The following ANXA8 variants were observed in gnomAD, a reference collection of about 807,000 sequenced individuals.
ANXA8 encodes VAC-beta.
Under a neutral mutation model 26.8 loss-of-function variants are expected in ANXA8, and 9 were observed. The observed-to-expected ratio is 0.34, with a 90% CI of 0.20 to 0.59. The LOEUF is 0.59. Among genes scored for constraint, ANXA8 ranks in the 20% least tolerant of loss-of-function variants. The pLI is 0.84. For synonymous variants in ANXA8, 39 were observed against 94.8 expected, an observed-to-expected ratio of 0.41 and a Z score of 3.42; for missense variants, 83 against 238.5, an observed-to-expected ratio of 0.35 and a Z score of 4.29.
chr10:47,952,267 T>C, the ANXA8 span, among the ~76,000 whole-genome samples: 1 of 151,668 alleles, frequency 6.6e-6, no homozygotes, highest in Non-Finnish European at 1.5e-5. Flanking sequence ...CCAAAAGTCC[T>C]AGGTGGTGCA....
At chr10:47,525,698 T>A in the ANXA8 span, among the ~76,000 whole-genome samples, 6 of 136,314 alleles carry the variant, frequency 4.4e-5, no homozygotes, top group African/African-American at 1.6e-4. Context: ...AGTGAAATTG[T>A]TTCTCTAATT....
the ANXA8 span, among the ~76,000 whole-genome samples, chr10:47,514,358 ACT>A: frequency 4.0e-5 from 6 of 148,972 alleles, no homozygotes. Context: ...AAGTGAAATA[ACT>A]CAGCATGGAA....
the ANXA8 span, among the ~76,000 whole-genome samples, chr10:47,552,274 C>T: frequency 3.3e-5 from 5 of 151,564 alleles, no homozygotes; most frequent in Non-Finnish European, 7.4e-5. Context: ...AGCCATTAGC[C>T]ACATGTGGTT....
the ANXA8 span, chr10:47,710,106 A>G: frequency 0.01 from 4,633 of 453,668 alleles, 350 homozygotes; most frequent in African/African-American, 0.091. Flanking sequence ...AAACAAAACT[A>G]TATTTTATAT....
At chr10:47,689,220 C>T in the ANXA8 span, among the ~76,000 whole-genome samples, 2 of 151,540 alleles carry the variant, frequency 1.3e-5, no homozygotes. Flanking sequence ...CACTCTGTTG[C>T]CCAGGCTAGA....
chr10:47,562,800 A>T, the ANXA8 span, among the ~76,000 whole-genome samples: 1 of 149,200 alleles, frequency 6.7e-6, no homozygotes, highest in African/African-American at 2.5e-5. Context: ...TCAAATTGAA[A>T]GAGGTTGGCA....
chr10:47,658,843 ATTTATTAT>A, the ANXA8 span, among the ~76,000 whole-genome samples: 5 of 135,682 alleles, frequency 3.7e-5, no homozygotes, highest in Admixed American at 7.1e-5. Context: ...GTTTTTATTT[ATTTATTAT>A]TTATTTATTT....
chr10:47,595,004 G>C, the ANXA8 span, among the ~76,000 whole-genome samples: 1 of 149,130 alleles, frequency 6.7e-6, no homozygotes. Context: ...ACAAATCTCA[G>C]ACACAGCTAG....
the ANXA8 span, among the ~76,000 whole-genome samples, chr10:47,702,059 T>C: frequency 4.0e-5 from 6 of 149,656 alleles, no homozygotes; most frequent in Non-Finnish European, 8.9e-5. Context: ...AATGAGTACA[T>C]AGATTGTAGA....
chr10:47,702,103 GAAATTATAAACAA>G, the ANXA8 span, among the ~76,000 whole-genome samples: 1 of 149,842 alleles, frequency 6.7e-6, no homozygotes, highest in African/African-American at 2.5e-5. Flanking sequence ...GTTGGAGAAA[GAAATTATAAACAA>G]GGGAAGGTTA....
At chr10:47,536,863 G>A in the ANXA8 span, among the ~76,000 whole-genome samples, 1 of 113,696 alleles carries the variant, frequency 8.8e-6, no homozygotes, top group Non-Finnish European at 1.7e-5. Context: ...ACAATTATTA[G>A]ATAAAGAGGA....
chr10:47,574,109 CT>C, the ANXA8 span, among the ~76,000 whole-genome samples: 16 of 25,418 alleles, frequency 6.3e-4, no homozygotes, highest in East Asian at 3.4e-3. Flanking sequence ...AGTTTAACCT[CT>C]TTTTTTTTTT....
At chr10:47,644,445 G>A in the ANXA8 span, among the ~76,000 whole-genome samples, 5 of 152,132 alleles carry the variant, frequency 3.3e-5, no homozygotes, top group South Asian at 4.1e-4. Flanking sequence ...TAGACAATAC[G>A]CAAATGAATG....
the ANXA8 span, among the ~76,000 whole-genome samples, chr10:47,510,841 A>C: frequency 1.6e-5 from 2 of 125,648 alleles, no homozygotes; most frequent in Non-Finnish European, 3.3e-5. Flanking sequence ...AAAAAAAAAA[A>C]AAAAAAAGAA....
At chr10:47,565,800 T>G in the ANXA8 span, 1 of 1,096,896 alleles carries the variant, frequency 9.1e-7, no homozygotes, top group Non-Finnish European at 1.2e-6. Context: ...ACCCAACGGC[T>G]GCAGCGACCT....
chr10:47,710,435 C>T, the ANXA8 span: 1 of 678,626 alleles, frequency 1.5e-6, no homozygotes, highest in Non-Finnish European at 2.6e-6. Context: ...TGACTGCCTC[C>T]TTAATTTTAG....
the ANXA8 span, among the ~76,000 whole-genome samples, chr10:47,570,532 G>T: frequency 1.3e-5 from 2 of 150,196 alleles, no homozygotes; most frequent in African/African-American, 2.5e-5. Flanking sequence ...CAGCATTTTT[G>T]GAGGTTTTGG....
chr10:47,488,470 C>T (rs1223100600), upstream of ANXA8, among the ~76,000 whole-genome samples: 6 of 149,908 alleles, frequency 4.0e-5, no homozygotes, highest in Non-Finnish European at 5.9e-5. Context: ...CTTGGCTTCC[C>T]GAAGGGCTAG....
At chr10:47,645,150 C>T in the ANXA8 span, among the ~76,000 whole-genome samples, 2 of 151,010 alleles carry the variant, frequency 1.3e-5, no homozygotes, top group Non-Finnish European at 2.9e-5. Context: ...ATAATTAACA[C>T]TAGATTTAGA....
Sources: gnomAD v4.1 joint callset for allele counts (sites outside exome capture counted in the v4.1 genomes callset) on GRCh38, gnomAD v4.1.1 for gene constraint, MANE v1.5 for transcripts, NCBI Gene and HGNC (gene_info 2026-07-23, HGNC 2026-07-21) for gene names.